Variants in AGBL4 observed in about 807,000 individuals in gnomAD.
AGBL4 encodes the protein AGBL carboxypeptidase 4.
Under a neutral mutation model 66.4 loss-of-function variants are expected in AGBL4, and 58 were observed. The observed-to-expected ratio is 0.87, with a 90% CI of 0.71 to 1.09. The LOEUF is 1.09. Ranked by LOEUF, AGBL4 falls within the 50% of genes least tolerant of loss-of-function variation. The probability of loss-of-function intolerance (pLI) is 0.00; values close to 1 mark genes in which losing one functional copy is unlikely to be tolerated. For missense variants in AGBL4, 579 were observed against 631.0 expected (o/e 0.92, Z 0.88); for synonymous variants, 234 against 222.9 (o/e 1.05, Z -0.44).
At chr1:49,380,395 A>G (rs1439841230) in intron 3 of AGBL4, among the ~76,000 whole-genome samples, 4 of 152,202 alleles carry the variant, frequency 2.6e-5, no homozygotes, top group Non-Finnish European at 4.4e-5. Context: ...GGAAGAATCA[A>G]TATCATGAAA....
chr1:48,660,957 A>ATG (rs972188206), intron 7 of AGBL4, among the ~76,000 whole-genome samples: 5 of 152,130 alleles, frequency 3.3e-5, no homozygotes, highest in Admixed American at 2.6e-4. Flanking sequence ...CCACTCCGCT[A>ATG]TTTAATGACT....
At chr1:49,275,853 A>T (rs28711983) in intron 3 of AGBL4, among the ~76,000 whole-genome samples, 15 of 152,274 alleles carry the variant, frequency 9.9e-5, no homozygotes, top group African/African-American at 3.6e-4. Context: ...AAACAACTTG[A>T]TATAAACTTT....
chr1:49,310,881 G>A (rs1403615658), intron 3 of AGBL4, among the ~76,000 whole-genome samples: 1 of 152,056 alleles, frequency 6.6e-6, no homozygotes, highest in Non-Finnish European at 1.5e-5. Context: ...TAAGGAAACT[G>A]ATGCTCAGAG....
intron 3 of AGBL4, among the ~76,000 whole-genome samples, chr1:49,405,002 T>G (rs1645166165): frequency 6.6e-6 from 1 of 152,216 alleles, no homozygotes; most frequent in South Asian, 2.1e-4. Flanking sequence ...AATGCACTAT[T>G]TATCTTTAGC....
chr1:49,043,652 T>C (rs978785789), intron 5 of AGBL4, among the ~76,000 whole-genome samples: 7 of 152,158 alleles, frequency 4.6e-5, no homozygotes, highest in Non-Finnish European at 8.8e-5. Flanking sequence ...TCATATACCA[T>C]GTATACCAAT....
intron 5 of AGBL4, among the ~76,000 whole-genome samples, chr1:48,959,686 G>A (rs886546908): frequency 6.6e-6 from 1 of 152,176 alleles, no homozygotes; most frequent in Non-Finnish European, 1.5e-5. Flanking sequence ...AAGAGAAGAG[G>A]TGAGCCATGA....
At chr1:49,841,061 C>T (rs879334196) in intron 2 of AGBL4, among the ~76,000 whole-genome samples, 1 of 152,202 alleles carries the variant, frequency 6.6e-6, no homozygotes, top group Non-Finnish European at 1.5e-5. Context: ...AGAAATTAAA[C>T]TATGTTTTGT....
chr1:49,404,039 C>T (rs1348476437), intron 3 of AGBL4, among the ~76,000 whole-genome samples: 2 of 152,098 alleles, frequency 1.3e-5, no homozygotes, highest in East Asian at 1.9e-4. Flanking sequence ...TTGCAGAAAG[C>T]TTTGCCTTAC....
chr1:48,916,791 T>A (rs570280905), intron 5 of AGBL4, among the ~76,000 whole-genome samples: 1 of 152,302 alleles, frequency 6.6e-6, no homozygotes, highest in South Asian at 2.1e-4. Flanking sequence ...GGGTCGTTTT[T>A]CTTTAAGGGT....
chr1:49,891,651 G>T (rs899851457), intron 1 of AGBL4, among the ~76,000 whole-genome samples: 1 of 152,182 alleles, frequency 6.6e-6, no homozygotes, highest in Non-Finnish European at 1.5e-5. Flanking sequence ...TGGTGAAGAA[G>T]AGAAAGTGGT....
intron 5 of AGBL4, among the ~76,000 whole-genome samples, chr1:49,006,600 G>C (rs921073680): frequency 1.5e-4 from 23 of 152,062 alleles, no homozygotes; most frequent in Non-Finnish European, 3.4e-4. Flanking sequence ...AAAGACAGCA[G>C]TAACCTCTGC....
rs74076225 is a variant in AGBL4, at chr1:48,679,199, G to T, written c.635-15958C>A. Among the ~76,000 whole-genome samples, 1,123 of 152,338 alleles carry T rather than the reference G, an allele frequency of 7.4e-3. 17 individuals carry two copies. Among genetic ancestry groups the T allele is most frequent in the African/African-American group, 0.026 (1,074 of 41,564 alleles). On this transcript the variant is annotated intron_variant, in intron 6 of 13. Transcript: ENST00000371839. ...GTAACATTTGTACAGATTGTGGAAA[G>T]AATGTAAGAGAATCAGAAGGCCTGT...
At position 49,549,488 on chromosome 1, in the gene AGBL4, C is replaced by A. The variant is rs1051396081; in HGVS notation, c.282+147825G>T. ...GTTTTGATAGGTTGTGTCATTATTGCAATTCAGTTTGAAGAATTTCTTAAT... is the reference window on the plus strand; with the variant it reads ...GTTTTGATAGGTTGTGTCATTATTGAAATTCAGTTTGAAGAATTTCTTAAT... On this transcript the variant is annotated intron_variant, in intron 3 of 13. Transcript: ENST00000371839. 3.3e-5 allele frequency among the ~76,000 whole-genome samples: 5 copies of A among 151,984 alleles called. No individual in the cohort carries two copies. The South Asian group carries it at 8.3e-4, about 25-fold the overall frequency.
chr1:49,003,452 G>A (rs972361045), intron 5 of AGBL4, among the ~76,000 whole-genome samples: 1 of 152,062 alleles, frequency 6.6e-6, no homozygotes, highest in African/African-American at 2.4e-5. Flanking sequence ...TAAAAATAAA[G>A]TTCAAAGATT....
intron 4 of AGBL4, among the ~76,000 whole-genome samples, chr1:49,202,128 G>A (rs907068067): frequency 3.3e-5 from 5 of 152,156 alleles, no homozygotes; most frequent in Admixed American, 3.3e-4. Flanking sequence ...CATTGTGAGT[G>A]AGAGTTGTAT....
chr1:48,714,100 C>T (rs573027280), intron 6 of AGBL4, among the ~76,000 whole-genome samples: 3 of 152,260 alleles, frequency 2.0e-5, no homozygotes, highest in Non-Finnish European at 2.9e-5. Flanking sequence ...TGGCATGAGT[C>T]GTCAGTGGAG....
At chr1:49,531,832 A>G (rs879378485) in intron 3 of AGBL4, among the ~76,000 whole-genome samples, 8 of 152,118 alleles carry the variant, frequency 5.3e-5, no homozygotes, top group Non-Finnish European at 1.2e-4. Context: ...ATCTCACCCC[A>G]TAAGAGGCTC....
chr1:49,134,402 G>A (rs1398597615), intron 4 of AGBL4, among the ~76,000 whole-genome samples: 6 of 151,946 alleles, frequency 3.9e-5, no homozygotes, highest in African/African-American at 1.5e-4. Context: ...GGGCACTGCA[G>A]GAGACTAGGG....
At chr1:49,796,098 T>C (rs1430904510) in intron 2 of AGBL4, among the ~76,000 whole-genome samples, 1 of 151,878 alleles carries the variant, frequency 6.6e-6, no homozygotes, top group African/African-American at 2.4e-5. Context: ...AAAACTCTAA[T>C]AGAAAAACTG....
Sources: gnomAD v4.1 joint callset for allele counts (sites outside exome capture counted in the v4.1 genomes callset) on GRCh38, gnomAD v4.1.1 for gene constraint, MANE v1.5 for transcripts, NCBI Gene and HGNC (gene_info 2026-07-23, HGNC 2026-07-21) for gene names.